Variants in LHPP observed in about 807,000 individuals in gnomAD.
LHPP encodes the protein hLHPP.
In LHPP, 24 loss-of-function variants were observed where a neutral mutation model predicts 30.3. That is an observed-to-expected ratio of 0.79 (90% CI 0.57 to 1.11). The LOEUF (loss-of-function observed/expected upper bound fraction) is 1.11. Among genes scored for constraint, LHPP ranks in the 50% most tolerant of loss-of-function variants. The pLI, the probability that LHPP is intolerant of heterozygous loss-of-function variation, is 0.00. For missense variants in LHPP, 356 were observed against 367.2 expected (o/e 0.97, Z 0.25); for synonymous variants, 150 against 157.1 (o/e 0.95, Z 0.34).
chr10:124,515,799 G>A (rs1163015963), intron 5 of LHPP, among the ~76,000 whole-genome samples: 1 of 152,194 alleles, frequency 6.6e-6, no homozygotes, highest in Admixed American at 6.5e-5. Flanking sequence ...TGGCTGGTGG[G>A]GACATAACGC....
chr10:124,543,508 A>G (rs889444882), intron 6 of LHPP, among the ~76,000 whole-genome samples: 5 of 152,204 alleles, frequency 3.3e-5, no homozygotes, highest in Non-Finnish European at 7.3e-5. Flanking sequence ...GGGCCTCAAA[A>G]CAGGGAGTCT....
intron 6 of LHPP, among the ~76,000 whole-genome samples, chr10:124,544,654 A>G (rs1481844486): frequency 6.6e-6 from 1 of 152,156 alleles, no homozygotes; most frequent in African/African-American, 2.4e-5. Flanking sequence ...GGCTGCTGAG[A>G]GCGTGTGCAG....
chr10:124,506,674 GGGGT>G (rs1954082491), intron 5 of LHPP, among the ~76,000 whole-genome samples: 1 of 117,504 alleles, frequency 8.5e-6, no homozygotes, highest in Non-Finnish European at 1.8e-5. Context: ...TTCAGGTTGG[GGGGT>G]AGGGAAGATT....
chr10:124,502,371 C>CTTT (rs199524033), intron 5 of LHPP, among the ~76,000 whole-genome samples: 4,114 of 147,324 alleles, frequency 0.028, 195 homozygotes, highest in African/African-American at 0.081. Flanking sequence ...CAGTAATTAT[C>CTTT]TTTTTTTTTT....
At chr10:124,613,066 C>G in intron 6 of LHPP, 198 bp from the exon 7 acceptor site, 1 of 600,558 alleles carries the variant, frequency 1.7e-6, no homozygotes, top group Non-Finnish European at 3.0e-6. Flanking sequence ...GTTGAGGGCA[C>G]AGTCAGGAGG....
At chr10:124,463,912 G>A (rs1289703957) in intron 1 of LHPP, among the ~76,000 whole-genome samples, 1 of 150,654 alleles carries the variant, frequency 6.6e-6, no homozygotes, top group Non-Finnish European at 1.5e-5. Flanking sequence ...TACCTCAAGG[G>A]CTCAAGAGAT....
At position 124,498,035 on chromosome 10, in the gene LHPP, G is replaced by C; in HGVS notation, c.532-1G>C. On this transcript the variant is annotated splice_acceptor_variant, in intron 4 of 6. Coordinates refer to ENST00000368842, the MANE Select transcript of LHPP (RefSeq NM_022126.4). LOFTEE classifies it high-confidence loss of function. ...TGCCATGTCCCTCTCTCTTTTCCCA[G>C]TATGCCTGTGGCATCAAAGCCGAGG... 2 of 1,612,944 alleles carry C rather than the reference G, an allele frequency of 1.2e-6. No homozygotes were observed. Among genetic ancestry groups the C allele is most frequent in the Non-Finnish European group, 1.7e-6 (2 of 1,178,898 alleles).
At chr10:124,585,957 A>G (rs113028112) in intron 6 of LHPP, among the ~76,000 whole-genome samples, 7,165 of 152,032 alleles carry the variant, frequency 0.047, 512 homozygotes, top group African/African-American at 0.16. Flanking sequence ...GCTAATTTTT[A>G]TATTTTTAGT....
intron 6 of LHPP, among the ~76,000 whole-genome samples, chr10:124,547,430 T>C (rs1195080807): frequency 2.6e-5 from 4 of 152,238 alleles, no homozygotes; most frequent in Non-Finnish European, 4.4e-5. Flanking sequence ...AAAGGAAAGT[T>C]CTAGAAGAGT....
chr10:124,553,309 G>T (rs1948214262), intron 6 of LHPP, among the ~76,000 whole-genome samples: 1 of 152,172 alleles, frequency 6.6e-6, no homozygotes, highest in Non-Finnish European at 1.5e-5. Flanking sequence ...ACCCAAGTGG[G>T]GTTCTCATGT....
chr10:124,491,298 G>A lies in LHPP; in HGVS notation c.467+2723G>A, dbSNP rs186121089. ...AGTGTTTTCCATCTTCGGTGCTTTCGTTGCTTCTGGTGACAGCGCTCACTG... is the reference window on the plus strand; with the variant it reads ...AGTGTTTTCCATCTTCGGTGCTTTCATTGCTTCTGGTGACAGCGCTCACTG... On this transcript the variant is annotated intron_variant, in intron 3 of 6. Transcript: ENST00000368842. 2.0e-4 allele frequency among the ~76,000 whole-genome samples: 30 copies of A among 152,308 alleles called. No individual in the cohort carries two copies. In the East Asian group the frequency reaches 2.5e-3, roughly 13 times the overall value.
intron 6 of LHPP, among the ~76,000 whole-genome samples, chr10:124,572,336 A>G (rs1948595928): frequency 6.6e-6 from 1 of 151,774 alleles, no homozygotes; most frequent in Non-Finnish European, 1.5e-5. Flanking sequence ...CAAAGAAAAT[A>G]CTCTGTTCAG....
chr10:124,561,591 C>T (rs541098403), intron 6 of LHPP, among the ~76,000 whole-genome samples: 7 of 151,978 alleles, frequency 4.6e-5, no homozygotes, highest in Admixed American at 2.0e-4. Context: ...TCCTGCACCT[C>T]CCAACCAGGG....
At chr10:124,612,544 C>T (rs1345236893) in intron 6 of LHPP, among the ~76,000 whole-genome samples, 1 of 152,252 alleles carries the variant, frequency 6.6e-6, no homozygotes, top group Non-Finnish European at 1.5e-5. Flanking sequence ...ACAGCCCCTT[C>T]CACAAAGTCC....
chr10:124,467,574 G>A (rs1423975830), intron 1 of LHPP, among the ~76,000 whole-genome samples: 2 of 149,744 alleles, frequency 1.3e-5, no homozygotes, highest in Non-Finnish European at 1.5e-5. Context: ...CTGGAGTGCA[G>A]TGACACAATC....
chr10:124,551,269 G>T (rs923479192), intron 6 of LHPP, among the ~76,000 whole-genome samples: 1 of 152,116 alleles, frequency 6.6e-6, no homozygotes, highest in South Asian at 2.1e-4. Context: ...ATCCCATCCC[G>T]CTGGGGCACG....
At chr10:124,603,372 G>A (rs1949051948) in intron 6 of LHPP, among the ~76,000 whole-genome samples, 1 of 152,170 alleles carries the variant, frequency 6.6e-6, no homozygotes, top group Admixed American at 6.5e-5. Flanking sequence ...CAAACGGATG[G>A]GGGACAAGCA....
intron 4 of LHPP, among the ~76,000 whole-genome samples, chr10:124,497,377 G>A (rs569459633): frequency 6.6e-6 from 1 of 152,186 alleles, no homozygotes; most frequent in Admixed American, 6.5e-5. Flanking sequence ...TCGGGCTTGT[G>A]GCTTCTGTAT....
intron 1 of LHPP, among the ~76,000 whole-genome samples, chr10:124,475,738 T>TC (rs113831473): frequency 0.036 from 5,427 of 152,078 alleles, 285 homozygotes; most frequent in South Asian, 0.11. Context: ...CTGGCCTTTG[T>TC]CCCCTGCAGC....
Sources: gnomAD v4.1 joint callset for allele counts (sites outside exome capture counted in the v4.1 genomes callset) on GRCh38, gnomAD v4.1.1 for gene constraint, MANE v1.5 for transcripts, NCBI Gene and HGNC (gene_info 2026-07-23, HGNC 2026-07-21) for gene names.